Variants in MACF1 observed in about 807,000 individuals in gnomAD.
MACF1 encodes microtubule-actin cross-linking factor 1.
In MACF1, 193 loss-of-function variants were observed where a neutral mutation model predicts 854.8. That is an observed-to-expected ratio of 0.23 (90% CI 0.20 to 0.25). MACF1 has a LOEUF of 0.25. Ranked by LOEUF, MACF1 falls within the 10% of genes least tolerant of loss-of-function variation. The pLI, the probability that MACF1 is intolerant of heterozygous loss-of-function variation, is 1.00. For synonymous variants in MACF1, 3,185 were observed against 3,226.7 expected (o/e 0.99, Z 0.44); for missense variants, 7,722 against 8,929.1 (o/e 0.86, Z 5.45).
At chr1:39,447,281 AAAT>A (rs1644250153) in intron 80 of MACF1, 148 bp from the exon 81 acceptor site, 1 of 705,434 alleles carries the variant, frequency 1.4e-6, no homozygotes, top group Non-Finnish European at 2.4e-6. Context: ...CCTTCTTTAC[AAAT>A]AAAGCATGTT....
chr1:39,347,605 C>T (rs75075907), intron 41 of MACF1, among the ~76,000 whole-genome samples: 8,466 of 152,122 alleles, frequency 0.056, 302 homozygotes, highest in African/African-American at 0.099. Flanking sequence ...ACCCTGAGCT[C>T]TTGAGGAGAA....
chr1:39,383,660 G>A (rs993362653), intron 56 of MACF1, among the ~76,000 whole-genome samples: 6 of 152,136 alleles, frequency 3.9e-5, no homozygotes, highest in African/African-American at 9.7e-5. Flanking sequence ...GGCAGATCAC[G>A]AGGTCAGGAG....
chr1:39,361,744 G>T (rs1297680683), intron 49 of MACF1, 67 bp downstream of exon 49: 2 of 1,489,904 alleles, frequency 1.3e-6, no homozygotes, highest in East Asian at 4.5e-5. Flanking sequence ...ACCAGCATTT[G>T]CTGAGCGCAT....
chr1:39,226,295 C>G (rs1438576588), intron 1 of MACF1, among the ~76,000 whole-genome samples: 1 of 151,318 alleles, frequency 6.6e-6, no homozygotes, highest in Admixed American at 6.6e-5. Flanking sequence ...TAGTACATTA[C>G]CGTTATGGAA....
At chr1:39,184,377 C>G (rs576715301) in intron 2 of MACF1, among the ~76,000 whole-genome samples, 5 of 152,258 alleles carry the variant, frequency 3.3e-5, no homozygotes, top group Non-Finnish European at 7.3e-5. Flanking sequence ...ATGACATTTC[C>G]TCTGACATAT....
intron 58 of MACF1, among the ~76,000 whole-genome samples, chr1:39,415,104 A>G (rs1243885204): frequency 1.3e-5 from 2 of 152,250 alleles, no homozygotes; most frequent in East Asian, 3.8e-4. Context: ...ATTGGAGAGA[A>G]GCAATAAAGC....
chr1:39,444,658 G>T lies in MACF1; in HGVS notation c.19432-4G>T. 1.9e-6 allele frequency: 3 copies of T among 1,605,454 alleles called. No homozygotes were observed. Among genetic ancestry groups the T allele is most frequent in the Non-Finnish European group, 2.6e-6 (3 of 1,174,246 alleles). ...ATTGATATCTTTCCTGCCTTTTCTT[G>T]TAGGAACTCTATTCCCAGCTGAAAG... On this transcript the variant is annotated splice_region_variant and splice_polypyrimidine_tract_variant and intron_variant, in intron 79 of 100. Coordinates refer to ENST00000564288, the MANE Select transcript of MACF1 (RefSeq NM_001394062.1).
chr1:39,413,827 G>A (rs886970830), intron 58 of MACF1: 4 of 1,610,914 alleles, frequency 2.5e-6, no homozygotes, highest in South Asian at 1.1e-5. Flanking sequence ...CTTTGCAGCT[G>A]TGGTGGCCAC....
intron 1 of MACF1, among the ~76,000 whole-genome samples, chr1:39,209,466 CCTCTCT>C (rs1644491363): frequency 6.6e-6 from 1 of 151,812 alleles, no homozygotes; most frequent in Non-Finnish European, 1.5e-5. Flanking sequence ...TGGTTTTTTT[CCTCTCT>C]AGGGTCTTGT....
intron 6 of MACF1, among the ~76,000 whole-genome samples, chr1:39,275,891 C>T (rs1645425313): frequency 1.3e-5 from 2 of 149,830 alleles, no homozygotes; most frequent in Admixed American, 6.8e-5. Context: ...TTTGTAGAAC[C>T]ACTGCATTGT....
intron 4 of MACF1, among the ~76,000 whole-genome samples, chr1:39,253,503 A>C (rs1571224953): frequency 7.9e-6 from 1 of 125,984 alleles, no homozygotes; most frequent in African/African-American, 2.9e-5. Context: ...AAAATCAGCT[A>C]TCTGTATTTT....
intron 56 of MACF1, among the ~76,000 whole-genome samples, chr1:39,384,992 C>T (rs1422837361): frequency 1.3e-5 from 2 of 152,182 alleles, no homozygotes; most frequent in Non-Finnish European, 2.9e-5. Flanking sequence ...ATAGCCTGGT[C>T]CTTTAGTTTT....
intron 97 of MACF1, among the ~76,000 whole-genome samples, chr1:39,477,108 T>C (rs1205945095): frequency 1.9e-5 from 2 of 104,318 alleles, no homozygotes; most frequent in African/African-American, 3.9e-5. Context: ...CACACATATA[T>C]ACACTTAGTG....
Position 39,333,597 on chromosome 1 carries a change from G to T in MACF1, c.7009G>T (p.Asp2337Tyr). The change falls in exon 37 of 101, where the codon GAC becomes TAC. Residue 2337 changes from aspartate to tyrosine, a missense_variant. By Grantham distance (160) the Asp-to-Tyr change is radical (BLOSUM62 -3). Transcript: ENST00000564288. ...GCTGAACATGTTTCAGGGGTTCTTT[G>T]ACTCTCAGACTTGTGAGTCTTTGAC... is the stretch of plus-strand genomic sequence containing the variant. The part of the protein sequence containing the change: ...EKLNMFQGFF[D>Y]SQTCESLTTE... 6.2e-7 allele frequency: 1 copy of T among 1,614,154 alleles called. No homozygotes were observed. Among genetic ancestry groups the T allele is most frequent in the South Asian group, 1.1e-5 (1 of 91,042 alleles).
intron 2 of MACF1, among the ~76,000 whole-genome samples, chr1:39,199,567 C>T (rs1418746869): frequency 6.6e-6 from 1 of 152,074 alleles, no homozygotes; most frequent in African/African-American, 2.4e-5. Context: ...TCTGGAGCCT[C>T]AAGTGCTTGA....
chr1:39,102,694 T>G, intron 2 of MACF1: 1 of 693,926 alleles, frequency 1.4e-6, no homozygotes, highest in Non-Finnish European at 2.6e-6. Flanking sequence ...TACTCTTCTC[T>G]TCCACTAGAT....
chr1:39,462,706 C>G (rs2124074066), intron 93 of MACF1, among the ~76,000 whole-genome samples: 1 of 152,218 alleles, frequency 6.6e-6, no homozygotes. Flanking sequence ...CAGAGCAAGA[C>G]TTGTCTTAAA....
At chr1:39,388,815 C>T (rs145547028) in intron 58 of MACF1, among the ~76,000 whole-genome samples, 157 bp downstream of exon 58, 2 of 151,156 alleles carry the variant, frequency 1.3e-5, no homozygotes, top group South Asian at 2.1e-4. Flanking sequence ...AATAGTCTCT[C>T]GGACTTCTGA....
At chr1:39,159,841 G>A (rs1442648928) in intron 2 of MACF1, among the ~76,000 whole-genome samples, 1 of 152,068 alleles carries the variant, frequency 6.6e-6, no homozygotes, top group Non-Finnish European at 1.5e-5. Flanking sequence ...AGTGGGAGGG[G>A]GTAGAGGGAG....
Sources: gnomAD v4.1 joint callset for allele counts (sites outside exome capture counted in the v4.1 genomes callset) on GRCh38, gnomAD v4.1.1 for gene constraint, MANE v1.5 for transcripts, NCBI Gene and HGNC (gene_info 2026-07-23, HGNC 2026-07-21) for gene names.